CTNND2: variants seen among roughly 807,000 people sequenced by gnomAD.
The protein encoded by CTNND2 is catenin delta 2, also known as catenin delta-2.
In CTNND2, 22 loss-of-function variants were observed where a neutral mutation model predicts 144.4. The ratio of observed to expected loss-of-function variants is 0.15; its 90% CI spans 0.11 to 0.22. CTNND2 has a LOEUF of 0.22. Ranked by LOEUF, CTNND2 falls within the 10% of genes least tolerant of loss-of-function variation. The pLI, the probability that CTNND2 is intolerant of heterozygous loss-of-function variation, is 1.00. For missense variants in CTNND2, 1,353 were observed against 1,618.8 expected (o/e 0.84, Z 2.82); for synonymous variants, 751 against 695.6 (o/e 1.08, Z -1.25).
At chr5:11,432,934 A>G (rs1003878494) in intron 3 of CTNND2, among the ~76,000 whole-genome samples, 1 of 152,204 alleles carries the variant, frequency 6.6e-6, no homozygotes, top group Non-Finnish European at 1.5e-5. Context: ...TCATTTTAAG[A>G]CCACCAATCT....
chr5:11,438,445 T>C (rs61755477), intron 3 of CTNND2, among the ~76,000 whole-genome samples: 2,578 of 152,234 alleles, frequency 0.017, 74 homozygotes, highest in African/African-American at 0.058. Context: ...AATTCTAATA[T>C]ATGAACTACA....
chr5:11,320,698 T>C (rs1751945329), intron 9 of CTNND2, among the ~76,000 whole-genome samples: 1 of 152,082 alleles, frequency 6.6e-6, no homozygotes, highest in Non-Finnish European at 1.5e-5. Context: ...TCAGATCCCA[T>C]TCACTATCAT....
intron 8 of CTNND2, among the ~76,000 whole-genome samples, chr5:11,358,608 T>A (rs1272047413): frequency 1.3e-5 from 2 of 152,226 alleles, no homozygotes; most frequent in Admixed American, 1.3e-4. Context: ...TAATTTTAAT[T>A]AAAATATTTT....
chr5:11,497,751 T>C (rs1770113797), intron 3 of CTNND2, among the ~76,000 whole-genome samples: 1 of 151,872 alleles, frequency 6.6e-6, no homozygotes, highest in Non-Finnish European at 1.5e-5. Context: ...CAAGAAAAAT[T>C]AAGAAGATAA....
At chr5:10,974,768 G>A (rs1324200800) in intron 21 of CTNND2, among the ~76,000 whole-genome samples, 2 of 152,126 alleles carry the variant, frequency 1.3e-5, no homozygotes, top group Admixed American at 6.5e-5. Context: ...AGTTCAGCAC[G>A]GAAACGTTCT....
intron 21 of CTNND2, among the ~76,000 whole-genome samples, chr5:10,977,373 G>A (rs1014742370): frequency 7.2e-5 from 11 of 152,154 alleles, no homozygotes; most frequent in Admixed American, 2.0e-4. Context: ...GATAGATACC[G>A]TTCAACATGA....
chr5:11,025,823 A>G (rs1167032575), intron 16 of CTNND2, among the ~76,000 whole-genome samples: 3 of 152,184 alleles, frequency 2.0e-5, no homozygotes, highest in African/African-American at 7.2e-5. Context: ...AGAGCTAAAA[A>G]GCTATTCTTG....
intron 2 of CTNND2, among the ~76,000 whole-genome samples, chr5:11,672,504 T>A (rs924783290): frequency 2.0e-5 from 3 of 152,116 alleles, no homozygotes; most frequent in Admixed American, 2.0e-4. Flanking sequence ...TCTAGACATG[T>A]GGTTCACCTT....
At chr5:11,587,700 C>A (rs944686425) in intron 2 of CTNND2, among the ~76,000 whole-genome samples, 9 of 152,050 alleles carry the variant, frequency 5.9e-5, no homozygotes, top group African/African-American at 2.2e-4. Context: ...TTTGAAAATA[C>A]TTTAAGTTTA....
At chr5:11,745,418 T>A (rs1788255369) in intron 1 of CTNND2, among the ~76,000 whole-genome samples, 1 of 152,154 alleles carries the variant, frequency 6.6e-6, no homozygotes. Context: ...CTGGCATACG[T>A]ATATGAGTTT....
chr5:11,308,008 T>TGA (rs1456476871), intron 9 of CTNND2, among the ~76,000 whole-genome samples: 1 of 152,220 alleles, frequency 6.6e-6, no homozygotes, highest in Non-Finnish European at 1.5e-5. Flanking sequence ...CAGCAAAGAC[T>TGA]GCTGTCCCTG....
At chr5:11,043,363 T>A (rs1166449372) in intron 16 of CTNND2, among the ~76,000 whole-genome samples, 1 of 152,202 alleles carries the variant, frequency 6.6e-6, no homozygotes, top group Non-Finnish European at 1.5e-5. Flanking sequence ...TTATTATTAC[T>A]CTACCCAGGA....
At chr5:11,606,947 C>T (rs10057275) in intron 2 of CTNND2, among the ~76,000 whole-genome samples, 10,223 of 152,134 alleles carry the variant, frequency 0.067, 869 homozygotes, top group African/African-American at 0.2. Flanking sequence ...TCTTTATAGA[C>T]GTAATCAAGT....
At chr5:10,984,290 C>A (rs568501110) in intron 20 of CTNND2, among the ~76,000 whole-genome samples, 6 of 152,274 alleles carry the variant, frequency 3.9e-5, no homozygotes, top group African/African-American at 1.4e-4. Context: ...AGAGTAAGTG[C>A]CCCATTTGCT....
chr5:11,245,513 G>T (rs1742909942), intron 9 of CTNND2, among the ~76,000 whole-genome samples: 1 of 152,126 alleles, frequency 6.6e-6, no homozygotes, highest in Non-Finnish European at 1.5e-5. Context: ...TGCTGAGCAT[G>T]GAGGAGGGGT....
chr5:11,172,475 T>C (rs1371106829), intron 11 of CTNND2, among the ~76,000 whole-genome samples: 1 of 152,254 alleles, frequency 6.6e-6, no homozygotes, highest in African/African-American at 2.4e-5. Flanking sequence ...GGTCCAGAAC[T>C]GTTTCAAGCC....
chr5:11,669,687 T>G (rs1196156669), intron 2 of CTNND2, among the ~76,000 whole-genome samples: 1 of 151,892 alleles, frequency 6.6e-6, no homozygotes, highest in Non-Finnish European at 1.5e-5. Context: ...TTGATCTTTT[T>G]AAAAAACCAG....
rs574928075 is a variant in CTNND2 at position 11,842,614 on chromosome 5, G to C, written c.37+61203C>G. 2.9e-3 allele frequency among the ~76,000 whole-genome samples: 440 copies of C among 151,928 alleles called. 4 individuals are homozygous for C. The highest frequency in any genetic ancestry group is 0.014 in the Middle Eastern group (4 of 294). ...GGCGCCTGTAGTCCCAGCTACTCAGGAGGCTGAGGCAGGAGAACCGCGTGA... is the reference window on the plus strand; with the variant it reads ...GGCGCCTGTAGTCCCAGCTACTCAGCAGGCTGAGGCAGGAGAACCGCGTGA... On this transcript the variant is annotated intron_variant, in intron 1 of 21. Transcript: ENST00000304623.
intron 16 of CTNND2, among the ~76,000 whole-genome samples, chr5:11,027,491 G>C (rs887544365): frequency 6.6e-6 from 1 of 151,912 alleles, no homozygotes; most frequent in Non-Finnish European, 1.5e-5. Flanking sequence ...TCTGATTTTT[G>C]CAATACTGGT....
Sources: gnomAD v4.1 joint callset for allele counts (sites outside exome capture counted in the v4.1 genomes callset) on GRCh38, gnomAD v4.1.1 for gene constraint, MANE v1.5 for transcripts, NCBI Gene and HGNC (gene_info 2026-07-23, HGNC 2026-07-21) for gene names.